The following GRIP2 variants were observed in gnomAD, a reference collection of about 807,000 sequenced individuals.
GRIP2 encodes the protein glutamate receptor-interacting protein 2.
GRIP2 carries 58 observed loss-of-function variants against 108.3 expected under a neutral mutation model. The observed-to-expected ratio is 0.54, with a 90% confidence interval of 0.43 to 0.67. GRIP2 has a LOEUF of 0.67. Among genes scored for constraint, GRIP2 ranks in the 30% least tolerant of loss-of-function variants. GRIP2 has a pLI of 0.00. For missense variants in GRIP2, 1,278 were observed against 1,430.6 expected, an observed-to-expected ratio of 0.89 and a Z score of 1.72; for synonymous variants, 586 against 598.2, an observed-to-expected ratio of 0.98 and a Z score of 0.30.
chr3:14,505,865 C>T lies in GRIP2; in HGVS notation c.2399-76G>A. On this transcript the variant is annotated intron_variant, in intron 19 of 23. Transcript: ENST00000621039. The surrounding 1 kb of genome is among the most constrained non-coding windows in gnomAD (Gnocchi z 4.2). ...CCTGCCTGCCCCATTTCCAGCTGTGCTGAGTGACCCTGGGGAGGTCGTTGC... is the reference window on the plus strand; with the variant it reads ...CCTGCCTGCCCCATTTCCAGCTGTGTTGAGTGACCCTGGGGAGGTCGTTGC... 1 of 1,376,486 alleles carries T rather than the reference C, an allele frequency of 7.3e-7. No homozygotes were observed. The highest frequency in any genetic ancestry group is 9.7e-7 in the Non-Finnish European group (1 of 1,034,718). 85.3% of individuals were successfully genotyped at this position (1,376,486 alleles called of 1,614,324 possible).
intron 1 of GRIP2, among the ~76,000 whole-genome samples, chr3:14,555,163 C>T (rs111727563): frequency 6.6e-6 from 1 of 152,122 alleles, no homozygotes; most frequent in African/African-American, 2.4e-5. Flanking sequence ...GGATGGCACC[C>T]GGCACAGGCT....
intron 1 of GRIP2, among the ~76,000 whole-genome samples, chr3:14,550,831 G>A (rs1033840822): frequency 2.6e-5 from 4 of 152,208 alleles, no homozygotes; most frequent in Non-Finnish European, 4.4e-5. Context: ...CGAGGAGCAA[G>A]GATCTTGCCC....
the GRIP2 span, among the ~76,000 whole-genome samples, chr3:14,586,123 A>T: frequency 6.6e-6 from 1 of 152,038 alleles, no homozygotes; most frequent in African/African-American, 2.4e-5. Context: ...GGTTCCCTCT[A>T]CCTGGACCAC....
At chr3:14,531,302 C>T (rs574683138) in intron 1 of GRIP2, among the ~76,000 whole-genome samples, 2 of 152,318 alleles carry the variant, frequency 1.3e-5, no homozygotes, top group Non-Finnish European at 2.9e-5. Context: ...ATCCTTATCT[C>T]CTTGATACTC....
chr3:14,543,025 C>A (rs1302242830), upstream of GRIP2, among the ~76,000 whole-genome samples: 1 of 152,146 alleles, frequency 6.6e-6, no homozygotes, highest in Non-Finnish European at 1.5e-5. Context: ...TGGGAGTCCA[C>A]TGAGAAGGGT....
At chr3:14,515,722 G>A (rs775511385) in intron 11 of GRIP2, among the ~76,000 whole-genome samples, 3 of 151,992 alleles carry the variant, frequency 2.0e-5, no homozygotes, top group Admixed American at 6.6e-5. Flanking sequence ...TGCAACCTCC[G>A]CCTCCCGGGT....
intron 19 of GRIP2, among the ~76,000 whole-genome samples, chr3:14,506,267 C>T (rs566443696): frequency 2.0e-5 from 3 of 152,282 alleles, no homozygotes; most frequent in Admixed American, 1.3e-4. Context: ...TGGGGAGTTC[C>T]GGTGGCTCTG....
chr3:14,602,486 G>A, the GRIP2 span, among the ~76,000 whole-genome samples: 1 of 151,950 alleles, frequency 6.6e-6, no homozygotes, highest in East Asian at 1.9e-4. The surrounding 1 kb of genome is among the most constrained non-coding windows in gnomAD (Gnocchi z 4.7). Flanking sequence ...CCCCCACCGT[G>A]AGCGCGGCCA....
At chr3:14,499,411 T>C (rs188964236) in intron 21 of GRIP2, among the ~76,000 whole-genome samples, 126 of 152,048 alleles carry the variant, frequency 8.3e-4, no homozygotes, top group African/African-American at 3.0e-3. Flanking sequence ...CTAAAAATAA[T>C]AGTGAAGTCA....
At chr3:14,535,655 G>C (rs1254106624) in intron 1 of GRIP2, among the ~76,000 whole-genome samples, 1 of 152,210 alleles carries the variant, frequency 6.6e-6, no homozygotes, top group Non-Finnish European at 1.5e-5. Context: ...GCAGGGCCAG[G>C]GTTTGAACCC....
At chr3:14,514,514 GC>G in intron 11 of GRIP2, 36 bp from the exon 12 acceptor site, 1 of 1,497,056 alleles carries the variant, frequency 6.7e-7, no homozygotes, top group Non-Finnish European at 9.0e-7. Context: ...CAGGTGAGCC[GC>G]CCCACGGAGG....
chr3:14,528,122 T>G (rs973998545), intron 1 of GRIP2, among the ~76,000 whole-genome samples: 4 of 152,348 alleles, frequency 2.6e-5, no homozygotes, highest in Admixed American at 1.3e-4. Flanking sequence ...CTCTATCATC[T>G]TGTCTTCTCC....
chr3:14,530,589 A>T (rs1177978078), intron 1 of GRIP2, among the ~76,000 whole-genome samples: 2 of 152,158 alleles, frequency 1.3e-5, no homozygotes, highest in Non-Finnish European at 2.9e-5. Flanking sequence ...ACTCTCATTA[A>T]ATGTATTCCT....
the GRIP2 span, among the ~76,000 whole-genome samples, chr3:14,599,399 G>A: frequency 3.3e-5 from 5 of 152,122 alleles, no homozygotes; most frequent in Non-Finnish European, 5.9e-5. Context: ...CAACTGGGTC[G>A]CAGCGCCTTC....
upstream of GRIP2, among the ~76,000 whole-genome samples, chr3:14,556,266 G>T (rs1695236036): frequency 6.6e-6 from 1 of 152,034 alleles, no homozygotes; most frequent in Admixed American, 6.5e-5. Context: ...TGCTCACCTG[G>T]CCCACCCCAC....
Position 14,521,586 on chromosome 3 carries a change from C to T in GRIP2, c.712+56G>A. 1 of 1,519,608 alleles carries T rather than the reference C, an allele frequency of 6.6e-7. No individual in the cohort carries two copies. The highest frequency in any genetic ancestry group is 8.9e-7 in the Non-Finnish European group (1 of 1,127,438). 94.1% of individuals were successfully genotyped at this position (1,519,608 alleles called of 1,614,324 possible). ...TAAAGATCCATGGCCACTGCCACCT[C>T]CCCCCATCCCAGGCCTCCTCCTGCC... On this transcript the variant is annotated intron_variant, in intron 7 of 23. Coordinates refer to ENST00000621039, the MANE Select transcript of GRIP2 (RefSeq NM_001080423.4). The surrounding 1 kb of genome is among the most constrained non-coding windows in gnomAD (Gnocchi z 5.1).
At chr3:14,501,432 A>G (rs1693761488) in intron 21 of GRIP2, among the ~76,000 whole-genome samples, 1 of 152,248 alleles carries the variant, frequency 6.6e-6, no homozygotes, top group Admixed American at 6.5e-5. Flanking sequence ...GAGACTTAAG[A>G]GACATAATAA....
At chr3:14,592,392 C>T in the GRIP2 span, among the ~76,000 whole-genome samples, 2 of 152,210 alleles carry the variant, frequency 1.3e-5, no homozygotes, top group African/African-American at 4.8e-5. Flanking sequence ...CCTGCATGGA[C>T]AGGCTCTGTG....
chr3:14,544,684 T>C (rs1695030914), upstream of GRIP2, among the ~76,000 whole-genome samples: 1 of 152,122 alleles, frequency 6.6e-6, no homozygotes, highest in Non-Finnish European at 1.5e-5. Context: ...CCGACCCTCC[T>C]CCCTCCACCC....
Sources: allele counts gnomAD v4.1 joint callset (sites outside exome capture counted in the v4.1 genomes callset), GRCh38; gene constraint gnomAD v4.1.1; non-coding constraint Gnocchi (gnomAD v3.1); transcripts MANE v1.5; gene names NCBI Gene and HGNC (gene_info 2026-07-23, HGNC 2026-07-21).